PRPF18: variants seen among roughly 807,000 people sequenced by gnomAD.
PRPF18 encodes the protein pre-mRNA processing factor 18, also known as pre-mRNA-splicing factor 18.
In PRPF18, 38 loss-of-function variants were observed where a neutral mutation model predicts 46.5. That is an observed-to-expected ratio of 0.82 (90% CI 0.63 to 1.07). The LOEUF is 1.07. Among genes scored for constraint, PRPF18 ranks in the 50% least tolerant of loss-of-function variants. The pLI, the probability that PRPF18 is intolerant of heterozygous loss-of-function variation, is 0.00. For missense variants in PRPF18, 263 were observed against 410.0 expected (o/e 0.64, Z 3.10); for synonymous variants, 152 against 146.7 (o/e 1.04, Z -0.26).
chr10:13,652,157 A>T, the PRPF18 span: 5 of 610,392 alleles, frequency 8.2e-6, no homozygotes, highest in South Asian at 1.0e-4. Context: ...TTGAGTCAAA[A>T]TACCTAGTTT....
the PRPF18 span, chr10:13,638,734 T>G: frequency 1.3e-5 from 2 of 152,190 alleles, no homozygotes; most frequent in Admixed American, 1.3e-4. Flanking sequence ...CCGTATGCAC[T>G]GAGAAGGGCC....
chr10:13,591,500 A>G lies in PRPF18; in HGVS notation c.66+4348A>G, dbSNP rs572445635. 12 of 701,070 alleles carry G rather than the reference A, an allele frequency of 1.7e-5. No homozygotes were observed. In the East Asian group the frequency reaches 2.8e-4, roughly 16 times the overall value. 43.4% of individuals were successfully genotyped at this position (701,070 alleles called of 1,614,324 possible). A position where few individuals can be genotyped will look rare whatever the true frequency, so the allele number is the denominator to read the frequency against. On this transcript the variant is annotated intron_variant, in intron 1 of 9. Transcript: ENST00000378572. ...AGGATAAATTCCATGAGTCGGGGCA[A>G]ACACAGATCGCAGGTAGTCCTGGAG...
At chr10:13,643,810 ATTTCT>A in the PRPF18 span, 1 of 152,656 alleles carries the variant, frequency 6.6e-6, no homozygotes, top group Admixed American at 6.5e-5. Flanking sequence ...TTAAAAGCAG[ATTTCT>A]TTTTTTAATT....
the PRPF18 span, chr10:13,652,399 T>C: frequency 5.1e-6 from 1 of 195,162 alleles, no homozygotes; most frequent in Non-Finnish European, 1.0e-5. Flanking sequence ...AATCATATAT[T>C]TGGATCAGGT....
intron 9 of PRPF18, among the ~76,000 whole-genome samples, chr10:13,620,263 G>A (rs1033802010): frequency 3.3e-5 from 5 of 152,200 alleles, no homozygotes; most frequent in African/African-American, 1.2e-4. Context: ...CTGTGTTCCA[G>A]TAAAACCATG....
downstream of PRPF18, among the ~76,000 whole-genome samples, chr10:13,635,759 G>A (rs1011279784): frequency 6.6e-6 from 1 of 152,160 alleles, no homozygotes; most frequent in Non-Finnish European, 1.5e-5. Flanking sequence ...GAAAACCACC[G>A]ATTAAAGCAA....
At chr10:13,596,528 A>G (rs550101543) in intron 1 of PRPF18, among the ~76,000 whole-genome samples, 57 of 152,338 alleles carry the variant, frequency 3.7e-4, no homozygotes, top group African/African-American at 1.3e-3. Context: ...GTAATATTAT[A>G]TCATTACTGT....
chr10:13,609,670 T>C (rs2080243373), intron 4 of PRPF18, among the ~76,000 whole-genome samples: 1 of 152,232 alleles, frequency 6.6e-6, no homozygotes, highest in South Asian at 2.1e-4. Context: ...TTAGACATTG[T>C]AAATGAGCTG....
At chr10:13,641,226 A>G in the PRPF18 span, 1 of 152,272 alleles carries the variant, frequency 6.6e-6, no homozygotes, top group South Asian at 2.1e-4. Context: ...GTGTGAGGAA[A>G]GGAAAGCTGA....
intron 4 of PRPF18, among the ~76,000 whole-genome samples, chr10:13,606,610 CTGTAT>C (rs1425072843): frequency 2.6e-5 from 4 of 151,960 alleles, no homozygotes; most frequent in Admixed American, 1.3e-4. Context: ...TGGCGTGTGC[CTGTAT>C]TCCCAGCTAC....
chr10:13,628,693 T>G (rs889997063), intron 9 of PRPF18, among the ~76,000 whole-genome samples: 1 of 152,088 alleles, frequency 6.6e-6, no homozygotes, highest in African/African-American at 2.4e-5. Context: ...TTTGCAGGGA[T>G]TTTTGTGTTG....
chr10:13,595,235 C>G (rs1336347215), intron 1 of PRPF18, among the ~76,000 whole-genome samples: 1 of 152,064 alleles, frequency 6.6e-6, no homozygotes, highest in Non-Finnish European at 1.5e-5. Context: ...ATAAATTTGA[C>G]CTTGCAAAAC....
chr10:13,650,659 A>C, the PRPF18 span, among the ~76,000 whole-genome samples: 1 of 152,160 alleles, frequency 6.6e-6, no homozygotes, highest in Non-Finnish European at 1.5e-5. Context: ...TTCCTTCCAA[A>C]GCCTAAGTCC....
At chr10:13,633,343 C>G (rs1329524865), downstream of PRPF18, among the ~76,000 whole-genome samples, 3 of 152,168 alleles carry the variant, frequency 2.0e-5, no homozygotes, top group Non-Finnish European at 4.4e-5. Context: ...ATGCTAAGCT[C>G]TGCCTTCTGG....
chr10:13,592,028 A>G (rs2079970208), intron 1 of PRPF18: 1 of 641,346 alleles, frequency 1.6e-6, no homozygotes, highest in East Asian at 4.3e-5. Flanking sequence ...GGGTACTACC[A>G]TTCTTGTCAC....
chr10:13,617,782 G>A (rs540154358), intron 9 of PRPF18, among the ~76,000 whole-genome samples: 1 of 152,196 alleles, frequency 6.6e-6, no homozygotes, highest in East Asian at 1.9e-4. Context: ...TATTTTGGAA[G>A]CTATGTAATG....
chr10:13,617,239 C>T (rs927541469), intron 9 of PRPF18, among the ~76,000 whole-genome samples: 3 of 152,120 alleles, frequency 2.0e-5, no homozygotes, highest in Admixed American at 1.3e-4. Context: ...AGTGATACTC[C>T]GGAAGTTTAC....
Position 13,630,299 on chromosome 10 carries a change from C to A in PRPF18, c.988C>A (p.Pro330Thr). Residue 330 changes from proline to threonine, a missense_variant, in exon 10 of 10, where the codon CCT becomes ACT. This residue lies in a region of PRPF18 where 20 missense variants were observed against 21.5 expected (regional missense o/e 0.93). Transcript: ENST00000378572. ...AATGACCATTTGCCAGAAACACTTTCCTACAGACCCATCCAAATGTGTGGA... is the reference window on the plus strand; with the variant it reads ...AATGACCATTTGCCAGAAACACTTTACTACAGACCCATCCAAATGTGTGGA... ...RLMTICQKHF[P>T]TDPSKCVEYN... The A allele has an allele frequency of 6.2e-7, 1 of 1,612,776 alleles. No homozygotes were observed. Among genetic ancestry groups the A allele is most frequent in the Non-Finnish European group, 8.5e-7 (1 of 1,178,804 alleles).
intron 1 of PRPF18, among the ~76,000 whole-genome samples, chr10:13,588,894 T>A (rs968447964): frequency 1.3e-5 from 2 of 152,218 alleles, no homozygotes; most frequent in African/African-American, 4.8e-5. Flanking sequence ...GACTTTTGTT[T>A]ATGTGTTATT....
Sources: allele counts gnomAD v4.1 joint callset (sites outside exome capture counted in the v4.1 genomes callset), GRCh38; gene constraint gnomAD v4.1.1; regional missense constraint gnomAD v4.1.1; transcripts MANE v1.5; gene names NCBI Gene and HGNC (gene_info 2026-07-23, HGNC 2026-07-21).